PLEKHA5: variants seen among roughly 807,000 people sequenced by gnomAD.
PLEKHA5 encodes pleckstrin homology domain containing A5.
A neutral mutation model predicts 181.9 loss-of-function variants in PLEKHA5; 55 were observed. That is an observed-to-expected ratio of 0.30 (90% CI 0.24 to 0.38). The LOEUF (loss-of-function observed/expected upper bound fraction) is 0.38. Among genes scored for constraint, PLEKHA5 ranks in the 10% least tolerant of loss-of-function variants. The pLI, the probability that PLEKHA5 is intolerant of heterozygous loss-of-function variation, is 1.00. For synonymous variants in PLEKHA5, 535 were observed against 529.4 expected (o/e 1.01, Z -0.15); for missense variants, 1,432 against 1,549.5 (o/e 0.92, Z 1.27).
intron 3 of PLEKHA5, among the ~76,000 whole-genome samples, chr12:19,182,051 G>A (rs1322752518): frequency 6.6e-6 from 1 of 152,082 alleles, no homozygotes; most frequent in Non-Finnish European, 1.5e-5. Flanking sequence ...ATTTTTAGCA[G>A]CAAACAGTTA....
intron 3 of PLEKHA5, among the ~76,000 whole-genome samples, chr12:19,177,101 C>T (rs1380804608): frequency 6.6e-6 from 1 of 152,066 alleles, no homozygotes; most frequent in Non-Finnish European, 1.5e-5. Flanking sequence ...CTCCTGACCT[C>T]GTGATCTACC....
At chr12:19,348,356 C>G (rs2094438379) in intron 24 of PLEKHA5, 43 bp from the exon 25 acceptor site, 1 of 1,495,460 alleles carries the variant, frequency 6.7e-7, no homozygotes, top group African/African-American at 1.4e-5. Flanking sequence ...TTAAAAGAAA[C>G]TTTTAGCAGT....
intron 30 of PLEKHA5, among the ~76,000 whole-genome samples, chr12:19,366,313 G>C (rs2095420692): frequency 6.6e-6 from 1 of 152,036 alleles, no homozygotes; most frequent in African/African-American, 2.4e-5. Context: ...CATTGGCTTT[G>C]GTTTTGCTTT....
At chr12:19,215,711 C>G (rs1236746799) in intron 3 of PLEKHA5, among the ~76,000 whole-genome samples, 1 of 152,122 alleles carries the variant, frequency 6.6e-6, no homozygotes, top group Non-Finnish European at 1.5e-5. Flanking sequence ...AAAAATTGTT[C>G]TAGCCAACAA....
intron 3 of PLEKHA5, among the ~76,000 whole-genome samples, chr12:19,181,781 A>G (rs1261639464): frequency 6.6e-6 from 1 of 152,192 alleles, no homozygotes; most frequent in African/African-American, 2.4e-5. Context: ...CTCTGACTCA[A>G]AAAAAGCCCC....
At chr12:19,301,678 T>G (rs761719436) in intron 15 of PLEKHA5, among the ~76,000 whole-genome samples, 36 of 152,228 alleles carry the variant, frequency 2.4e-4, no homozygotes, top group South Asian at 2.1e-4. Flanking sequence ...ATATTGTTGA[T>G]TCTTATGACT....
At chr12:19,280,427 C>T (rs1337962983) in intron 11 of PLEKHA5, among the ~76,000 whole-genome samples, 1 of 152,128 alleles carries the variant, frequency 6.6e-6, no homozygotes, top group Non-Finnish European at 1.5e-5. Flanking sequence ...TCCAGATTAT[C>T]AGCGAAGGAT....
intron 3 of PLEKHA5, among the ~76,000 whole-genome samples, chr12:19,191,872 A>G (rs1224576160): frequency 6.6e-6 from 1 of 152,186 alleles, no homozygotes; most frequent in Non-Finnish European, 1.5e-5. Flanking sequence ...GGCTTTGTCC[A>G]TAGTGACCAA....
chr12:19,370,324 A>G (rs1433494293), intron 31 of PLEKHA5, among the ~76,000 whole-genome samples: 1 of 152,204 alleles, frequency 6.6e-6, no homozygotes, highest in Non-Finnish European at 1.5e-5. Flanking sequence ...TCAGGGAGGT[A>G]ATTACTAAAA....
At chr12:19,246,106 G>C (rs1282467379) in intron 3 of PLEKHA5, among the ~76,000 whole-genome samples, 2 of 150,742 alleles carry the variant, frequency 1.3e-5, no homozygotes, top group Middle Eastern at 3.2e-3. Context: ...AGCTTCCCGA[G>C]TAGCTGGGAC....
intron 3 of PLEKHA5, among the ~76,000 whole-genome samples, chr12:19,160,097 T>C (rs2042621607): frequency 6.6e-6 from 1 of 152,140 alleles, no homozygotes; most frequent in Admixed American, 6.5e-5. Flanking sequence ...CATGGACTTA[T>C]TTTTACACTG....
chr12:19,213,843 T>C (rs142482729), intron 3 of PLEKHA5, among the ~76,000 whole-genome samples: 1 of 152,276 alleles, frequency 6.6e-6, no homozygotes, highest in African/African-American at 2.4e-5. Flanking sequence ...TGAGACATTT[T>C]CAGGGGAAAA....
chr12:19,245,723 CAAAAAAAAAAAAAAAAA>C (rs1177391924), intron 3 of PLEKHA5, among the ~76,000 whole-genome samples: 2 of 50,904 alleles, frequency 3.9e-5, no homozygotes, highest in African/African-American at 1.7e-4. Flanking sequence ...GTGAGACTGT[CAAAAAAAAAAAAAAAAA>C]AAAAAAAAAA....
chr12:19,223,430 A>G (rs1240914106), intron 3 of PLEKHA5, among the ~76,000 whole-genome samples: 1 of 152,112 alleles, frequency 6.6e-6, no homozygotes, highest in Non-Finnish European at 1.5e-5. Flanking sequence ...ATCATATACC[A>G]ATACTTTAGA....
At chr12:19,294,847 G>A (rs1485282093) in intron 15 of PLEKHA5, among the ~76,000 whole-genome samples, 3 of 152,144 alleles carry the variant, frequency 2.0e-5, no homozygotes, top group African/African-American at 7.2e-5. Context: ...TCTGGTGCCT[G>A]TAACTTCAGC....
chr12:19,136,196 T>C (rs2035600258), intron 3 of PLEKHA5, among the ~76,000 whole-genome samples: 1 of 152,190 alleles, frequency 6.6e-6, no homozygotes, highest in African/African-American at 2.4e-5. Context: ...AAAATCTTTA[T>C]CTTTAAAGAT....
intron 3 of PLEKHA5, among the ~76,000 whole-genome samples, chr12:19,196,735 T>C (rs1168815150): frequency 1.3e-5 from 2 of 152,046 alleles, no homozygotes; most frequent in Non-Finnish European, 2.9e-5. Flanking sequence ...TCTCAATAAA[T>C]GGTGGCTGCT....
intron 3 of PLEKHA5, among the ~76,000 whole-genome samples, chr12:19,251,739 C>CAAAA (rs374276545): frequency 1.8e-4 from 12 of 65,556 alleles, no homozygotes; most frequent in African/African-American, 2.4e-4. Context: ...GAGGCCCATC[C>CAAAA]AAAAAAAAAA....
At chr12:19,138,730 C>CT (rs2036429215) in intron 3 of PLEKHA5, among the ~76,000 whole-genome samples, 1 of 151,970 alleles carries the variant, frequency 6.6e-6, no homozygotes, top group South Asian at 2.1e-4. Flanking sequence ...GTTGATAAGA[C>CT]TGGGAGGATA....
Sources: allele counts gnomAD v4.1 joint callset (sites outside exome capture counted in the v4.1 genomes callset), GRCh38; gene constraint gnomAD v4.1.1; transcripts MANE v1.5; gene names NCBI Gene and HGNC (gene_info 2026-07-23, HGNC 2026-07-21).